The following DNM2 variants were observed in gnomAD, a reference collection of about 807,000 sequenced individuals.
DNM2 encodes the protein dynamin 2.
In DNM2, 15 loss-of-function variants were observed where a neutral mutation model predicts 99.0. The ratio of observed to expected loss-of-function variants is 0.15; its 90% CI spans 0.10 to 0.23. DNM2 has a LOEUF of 0.23. Ranked by LOEUF, DNM2 falls within the 10% of genes least tolerant of loss-of-function variation. The pLI, the probability that DNM2 is intolerant of heterozygous loss-of-function variation, is 1.00. For missense variants in DNM2, 742 were observed against 1,189.4 expected, an observed-to-expected ratio of 0.62 and a Z score of 5.53; for synonymous variants, 525 against 481.2, an observed-to-expected ratio of 1.09 and a Z score of -1.19.
intron 7 of DNM2, among the ~76,000 whole-genome samples, chr19:10,792,189 A>C (rs887623165): frequency 6.6e-6 from 1 of 152,194 alleles, no homozygotes; most frequent in African/African-American, 2.4e-5. Context: ...CACACCCTTT[A>C]CTTCATGTGA....
At chr19:10,805,189 C>T (rs2072289250) in intron 12 of DNM2, among the ~76,000 whole-genome samples, 1 of 152,196 alleles carries the variant, frequency 6.6e-6, no homozygotes, top group African/African-American at 2.4e-5. Context: ...CACACCCTGT[C>T]GACCTTGGAT....
intron 3 of DNM2, among the ~76,000 whole-genome samples, chr19:10,773,257 C>A (rs1195983390): frequency 6.6e-6 from 1 of 151,392 alleles, no homozygotes; most frequent in South Asian, 2.1e-4. Context: ...AAGCTATTCT[C>A]CTGCCTCAGC....
intron 1 of DNM2, among the ~76,000 whole-genome samples, chr19:10,725,892 T>C (rs1304334504): frequency 6.6e-6 from 1 of 152,038 alleles, no homozygotes. Flanking sequence ...TAGCTGGGAC[T>C]ATAGGCATGA....
At chr19:10,797,253 C>T (rs894596101) in intron 9 of DNM2, 127 bp from the exon 10 acceptor site, 1 of 1,378,842 alleles carries the variant, frequency 7.3e-7, no homozygotes, top group African/African-American at 1.4e-5. Flanking sequence ...CGGGCGCAGG[C>T]TCCCCCATGC....
chr19:10,828,978 T>C, intron 18 of DNM2, 58 bp from the exon 19 acceptor site: 2 of 1,547,596 alleles, frequency 1.3e-6, no homozygotes, highest in Middle Eastern at 1.7e-4. Flanking sequence ...CAGCAGTCAC[T>C]GTGGGTTCTG....
In DNM2 at chr19:10,818,471, A is replaced by T. The variant is rs1405891171; in HGVS notation, c.1672-1509A>T. 7.2e-5 allele frequency among the ~76,000 whole-genome samples: 11 copies of T among 152,232 alleles called. No homozygotes were observed. Among genetic ancestry groups the T allele is most frequent in the Admixed American group, 7.2e-4 (11 of 15,284 alleles). ...GAGATGAAATGGGAGGTGGCGGGGA[A>T]GTGGCTTGCCCGAGGGCACACGGCC... On this transcript the variant is annotated intron_variant, in intron 15 of 20. Transcript: ENST00000389253. This position sits in a 1 kb window ranked among gnomAD's most constrained non-coding sequence, Gnocchi z 4.3.
intron 1 of DNM2, among the ~76,000 whole-genome samples, chr19:10,733,011 G>A (rs2069388170): frequency 6.6e-6 from 1 of 151,428 alleles, no homozygotes; most frequent in Non-Finnish European, 1.5e-5. Context: ...AGCCTCCCGA[G>A]TAGCTGGGAT....
intron 15 of DNM2, 106 bp from the exon 16 acceptor site, chr19:10,819,874 G>A (rs775778026): frequency 9.6e-7 from 1 of 1,036,340 alleles, no homozygotes; most frequent in South Asian, 1.3e-5. Flanking sequence ...GACCAGCATT[G>A]AGAAGCCCCC....
At chr19:10,771,575 C>T (rs1381233455) in intron 2 of DNM2, among the ~76,000 whole-genome samples, 1 of 152,106 alleles carries the variant, frequency 6.6e-6, no homozygotes, top group African/African-American at 2.4e-5. Flanking sequence ...CAAGTGAGTG[C>T]CATGAGAAAT....
At chr19:10,733,016 T>C (rs1395280485) in intron 1 of DNM2, among the ~76,000 whole-genome samples, 5 of 151,938 alleles carry the variant, frequency 3.3e-5, no homozygotes. Flanking sequence ...CCCGAGTAGC[T>C]GGGATTACAG....
chr19:10,830,253 G>A lies in DNM2; in HGVS notation c.2418G>A (p.Ala806=), dbSNP rs200968756. Residue 806 remains alanine, a synonymous_variant, in exon 20 of 21, where the codon GCG becomes GCA. Coordinates refer to ENST00000389253, the MANE Select transcript of DNM2 (RefSeq NM_001005361.3). This position sits in a 1 kb window ranked among gnomAD's most constrained non-coding sequence, Gnocchi z 4.8. ...VPVGAAASFS[A]PPIPSRPGPQ... ...TGGGGGCAGCAGCCTCCTTCTCGGC[G>A]CCCCCAATCCCATCCCGGCCTGGAC... The A allele has an allele frequency of 1.9e-4, 314 of 1,613,828 alleles. No individual in the cohort carries two copies. The highest frequency in any genetic ancestry group is 2.6e-4 in the Non-Finnish European group (305 of 1,179,904).
chr19:10,767,240 T>C (rs2070828601), intron 2 of DNM2, among the ~76,000 whole-genome samples: 1 of 151,292 alleles, frequency 6.6e-6, no homozygotes, highest in Non-Finnish European at 1.5e-5. Flanking sequence ...AAAAATCATC[T>C]CATCTCCAGC....
chr19:10,718,505 G>A, intron 1 of DNM2, 102 bp downstream of exon 1: 2 of 1,256,326 alleles, frequency 1.6e-6, no homozygotes, highest in Non-Finnish European at 2.0e-6. Flanking sequence ...TGCGGCGCTT[G>A]CGTGCCCGCG....
chr19:10,729,623 GC>G (rs1221408850), intron 1 of DNM2, among the ~76,000 whole-genome samples: 1 of 152,160 alleles, frequency 6.6e-6, no homozygotes, highest in Non-Finnish European at 1.5e-5. Context: ...TTAGGACGCT[GC>G]CCGTGGAATG....
intron 5 of DNM2, among the ~76,000 whole-genome samples, chr19:10,780,896 T>G (rs1568296878): frequency 6.6e-6 from 1 of 151,952 alleles, no homozygotes; most frequent in African/African-American, 2.4e-5. Flanking sequence ...TGCATGCCTG[T>G]AATCCCAGCT....
intron 1 of DNM2, among the ~76,000 whole-genome samples, chr19:10,722,112 A>T (rs1467262236): frequency 2.0e-5 from 3 of 152,276 alleles, no homozygotes; most frequent in Admixed American, 6.5e-5. Flanking sequence ...TCTTATACGC[A>T]TGGTGGCTGT....
At chr19:10,799,780 C>T (rs1380023679) in intron 11 of DNM2, among the ~76,000 whole-genome samples, 4 of 151,754 alleles carry the variant, frequency 2.6e-5, no homozygotes, top group Admixed American at 1.3e-4. Context: ...GTGATCTGCC[C>T]GCCTTGGCCT....
At position 10,775,728 on chromosome 19, in the gene DNM2, C is replaced by G. The variant is rs2145924448; in HGVS notation, c.411C>G (p.Leu137=). The G allele has an allele frequency of 6.2e-7, 1 of 1,614,152 alleles. No individual in the cohort carries two copies. Among genetic ancestry groups the G allele is most frequent in the Non-Finnish European group, 8.5e-7 (1 of 1,180,034 alleles). The change falls in exon 4 of 21, where the codon CTC becomes CTG. Residue 137 remains leucine (L), a synonymous_variant. Coordinates refer to ENST00000389253, the MANE Select transcript of DNM2 (RefSeq NM_001005361.3). The surrounding 1 kb of genome is among the most constrained non-coding windows in gnomAD (Gnocchi z 4.3). ...PHVLNLTLID[L]PGITKVPVGD... ...TGTTGAACTTGACCCTCATCGACCT[C>G]CCGGGTATCACCAAGGTGCCTGTGG...
chr19:10,740,216 A>G (rs1277377962), intron 1 of DNM2, among the ~76,000 whole-genome samples: 2 of 152,028 alleles, frequency 1.3e-5, no homozygotes, highest in Non-Finnish European at 1.5e-5. Flanking sequence ...TCAAAGAGCA[A>G]ATTGTGGTGG....
Sources: allele counts gnomAD v4.1 joint callset (sites outside exome capture counted in the v4.1 genomes callset), GRCh38; gene constraint gnomAD v4.1.1; non-coding constraint Gnocchi (gnomAD v3.1); transcripts MANE v1.5; gene names NCBI Gene and HGNC (gene_info 2026-07-23, HGNC 2026-07-21).